Variants in MIPOL1 observed in about 807,000 individuals in gnomAD.
The protein encoded by MIPOL1 is mirror-image polydactyly gene 1 protein.
MIPOL1 carries 57 observed loss-of-function variants against 60.9 expected under a neutral mutation model. That is an observed-to-expected ratio of 0.94 (90% CI 0.76 to 1.17). MIPOL1 has a LOEUF of 1.17. Ranked by LOEUF, MIPOL1 falls within the 50% of genes most tolerant of loss-of-function variation. The pLI is 0.00. For missense variants in MIPOL1, 551 were observed against 511.6 expected (o/e 1.08, Z -0.74); for synonymous variants, 179 against 168.8 (o/e 1.06, Z -0.47).
chr14:37,228,355 C>T (rs541937725), intron 1 of MIPOL1, among the ~76,000 whole-genome samples: 102 of 140,166 alleles, frequency 7.3e-4, no homozygotes, highest in African/African-American at 2.6e-3. Flanking sequence ...TTAGTAGTTC[C>T]AGGTGGATTT....
At chr14:37,329,589 G>A (rs577726539) in intron 9 of MIPOL1, among the ~76,000 whole-genome samples, 4 of 152,202 alleles carry the variant, frequency 2.6e-5, no homozygotes, top group Admixed American at 2.0e-4. Flanking sequence ...TTAAGAATGA[G>A]CACTTAAGTA....
At chr14:37,411,177 C>A (rs1021575707) in intron 10 of MIPOL1, among the ~76,000 whole-genome samples, 20 of 152,182 alleles carry the variant, frequency 1.3e-4, no homozygotes, top group African/African-American at 4.3e-4. Flanking sequence ...ACATCAAATA[C>A]AATTTGAAGC....
intron 9 of MIPOL1, among the ~76,000 whole-genome samples, chr14:37,328,825 T>C (rs2089427919): frequency 1.3e-5 from 2 of 152,150 alleles, no homozygotes; most frequent in African/African-American, 2.4e-5. Context: ...GCATCTGAAG[T>C]AACAGTGTGT....
intron 10 of MIPOL1, among the ~76,000 whole-genome samples, chr14:37,377,614 C>G (rs1022319510): frequency 1.3e-5 from 2 of 152,030 alleles, no homozygotes; most frequent in African/African-American, 4.8e-5. Context: ...ATGGTACTAC[C>G]ATCCTTCTAG....
intron 12 of MIPOL1, among the ~76,000 whole-genome samples, chr14:37,514,165 T>A (rs2095350953): frequency 6.6e-6 from 1 of 152,168 alleles, no homozygotes; most frequent in Non-Finnish European, 1.5e-5. Context: ...CTTAGAGGGA[T>A]ATATGATCTA....
chr14:37,394,260 T>G (rs1232550498), intron 10 of MIPOL1, among the ~76,000 whole-genome samples: 1 of 151,580 alleles, frequency 6.6e-6, no homozygotes, highest in Non-Finnish European at 1.5e-5. Flanking sequence ...TAACTTCTTT[T>G]TCTCTGCATA....
chr14:37,293,856 C>T (rs961116125), intron 7 of MIPOL1, among the ~76,000 whole-genome samples: 2 of 152,206 alleles, frequency 1.3e-5, no homozygotes, highest in African/African-American at 2.4e-5. Flanking sequence ...GGAGGCCTTC[C>T]TGCCTCTGTA....
Position 37,270,482 on chromosome 14 carries a change from C to G in MIPOL1, c.450C>G (p.Leu150=), listed in dbSNP as rs1330467654. The change falls in exon 6 of 13, where the codon CTC becomes CTG. Residue 150 remains leucine (L), a synonymous_variant. Coordinates refer to ENST00000684589, the MANE Select transcript of MIPOL1 (RefSeq NM_001388067.1). ...EQRKLKFKLE[L]QEKETEAKIA... Reference sequence around the variant, plus strand: ...GAAAACTAAAGTTTAAGCTGGAACTCCAAGAGAAAGAAACAGAAGCTAAAA... The same window carrying G: ...GAAAACTAAAGTTTAAGCTGGAACTGCAAGAGAAAGAAACAGAAGCTAAAA... 26 of 1,597,594 alleles carry G rather than the reference C, an allele frequency of 1.6e-5. No individual in the cohort carries two copies. Among genetic ancestry groups the G allele is most frequent in the Non-Finnish European group, 2.2e-5 (26 of 1,171,590 alleles).
chr14:37,490,294 C>T (rs966901775), intron 11 of MIPOL1, among the ~76,000 whole-genome samples: 14 of 152,140 alleles, frequency 9.2e-5, no homozygotes, highest in African/African-American at 3.4e-4. Context: ...TGGTGAACCC[C>T]CCTCCCCATA....
chr14:37,218,468 G>A (rs1160583362), intron 1 of MIPOL1, among the ~76,000 whole-genome samples: 2 of 152,058 alleles, frequency 1.3e-5, no homozygotes, highest in Admixed American at 6.6e-5. Flanking sequence ...GATCACAGAC[G>A]TGAGCCACTG....
intron 11 of MIPOL1, among the ~76,000 whole-genome samples, chr14:37,441,501 A>C (rs564233787): frequency 6.6e-6 from 1 of 152,242 alleles, no homozygotes; most frequent in South Asian, 2.1e-4. Context: ...TCTCTTCTCC[A>C]GTGTATGTTA....
At chr14:37,279,697 C>A (rs2083947726) in intron 6 of MIPOL1, among the ~76,000 whole-genome samples, 1 of 151,914 alleles carries the variant, frequency 6.6e-6, no homozygotes, top group African/African-American at 2.4e-5. Context: ...TTATGAAGTG[C>A]AATGTGATGT....
At chr14:37,467,926 C>T (rs534560758) in intron 11 of MIPOL1, among the ~76,000 whole-genome samples, 6 of 151,438 alleles carry the variant, frequency 4.0e-5, no homozygotes, top group African/African-American at 1.5e-4. Context: ...TGGTGGTGTG[C>T]GCCTGTAATC....
chr14:37,415,848 G>T (rs982998604), intron 10 of MIPOL1, among the ~76,000 whole-genome samples: 1 of 152,070 alleles, frequency 6.6e-6, no homozygotes, highest in Non-Finnish European at 1.5e-5. Context: ...TGTGAGAAAT[G>T]ATAATATGAA....
At chr14:37,285,257 A>G in intron 6 of MIPOL1, 61 bp from the exon 7 acceptor site, 4 of 1,579,298 alleles carry the variant, frequency 2.5e-6, no homozygotes, top group South Asian at 1.2e-5. Context: ...TATTTTTGCT[A>G]AAGGTATACA....
In MIPOL1 at chr14:37,495,048, T is replaced by C. The variant is rs1194093270; in HGVS notation, c.1032-4860T>C. Among the ~76,000 whole-genome samples the C allele has an allele frequency of 4.6e-5, 7 of 151,916 alleles. No individual in the cohort carries two copies. In the South Asian group the frequency reaches 1.2e-3, roughly 27 times the overall value. On this transcript the variant is annotated intron_variant, in intron 11 of 12. Coordinates refer to ENST00000684589, the MANE Select transcript of MIPOL1 (RefSeq NM_001388067.1). Reference sequence around the variant, plus strand: ...TGATTAGGAAATTAAATCAGGATGCTCATAATTTTCATAATGGTGAGACTT... The same window carrying C: ...TGATTAGGAAATTAAATCAGGATGCCCATAATTTTCATAATGGTGAGACTT...
intron 11 of MIPOL1, among the ~76,000 whole-genome samples, chr14:37,436,848 G>A (rs372923507): frequency 6.6e-6 from 1 of 152,160 alleles, no homozygotes; most frequent in East Asian, 1.9e-4. Context: ...TCAATTATAT[G>A]TGAGGTAGCT....
At chr14:37,394,837 C>T (rs200332877) in intron 10 of MIPOL1, among the ~76,000 whole-genome samples, 1 of 152,088 alleles carries the variant, frequency 6.6e-6, no homozygotes, top group Non-Finnish European at 1.5e-5. Context: ...GAAATCCTTG[C>T]CTAAGCCAGT....
intron 11 of MIPOL1, among the ~76,000 whole-genome samples, chr14:37,493,012 A>G (rs1368060600): frequency 6.6e-6 from 1 of 152,172 alleles, no homozygotes; most frequent in African/African-American, 2.4e-5. Context: ...TATTTATCCA[A>G]TTAAAATAAA....
Sources: allele counts gnomAD v4.1 joint callset (sites outside exome capture counted in the v4.1 genomes callset), GRCh38; gene constraint gnomAD v4.1.1; transcripts MANE v1.5; gene names NCBI Gene and HGNC (gene_info 2026-07-23, HGNC 2026-07-21).